The following PLCL1 variants were observed in gnomAD, a reference collection of about 807,000 sequenced individuals.
PLCL1 encodes phospholipase C like 1 (inactive), also known as inactive phospholipase C-like protein 1.
PLCL1 carries 41 observed loss-of-function variants against 84.4 expected under a neutral mutation model. That is an observed-to-expected ratio of 0.49 (90% CI 0.38 to 0.63). PLCL1 has a LOEUF of 0.63. Among genes scored for constraint, PLCL1 ranks in the 30% least tolerant of loss-of-function variants. PLCL1 has a pLI of 0.00. For missense variants in PLCL1, 1,206 were observed against 1,367.8 expected, an observed-to-expected ratio of 0.88 and a Z score of 1.87; for synonymous variants, 490 against 488.3, an observed-to-expected ratio of 1.00 and a Z score of -0.05.
At chr2:197,926,602 A>G (rs1288491337) in intron 1 of PLCL1, among the ~76,000 whole-genome samples, 1 of 152,162 alleles carries the variant, frequency 6.6e-6, no homozygotes, top group Non-Finnish European at 1.5e-5. Flanking sequence ...AAAACCCACT[A>G]TCACATGGCA....
At chr2:197,985,420 A>C (rs1055087157) in intron 1 of PLCL1, among the ~76,000 whole-genome samples, 2 of 152,156 alleles carry the variant, frequency 1.3e-5, no homozygotes, top group African/African-American at 2.4e-5. Flanking sequence ...ATTCTTACCC[A>C]GTTTAGTATC....
At chr2:197,879,731 CA>C (rs1687795839) in intron 1 of PLCL1, among the ~76,000 whole-genome samples, 1 of 152,114 alleles carries the variant, frequency 6.6e-6, no homozygotes, top group Admixed American at 6.6e-5. Context: ...TTGTTCCAAA[CA>C]ACCCTTTCTG....
intron 1 of PLCL1, among the ~76,000 whole-genome samples, chr2:197,904,384 G>A (rs189851832): frequency 3.0e-4 from 46 of 152,016 alleles, no homozygotes; most frequent in African/African-American, 9.9e-4. Context: ...CTTTTTGCAG[G>A]GTTTAAAAAG....
chr2:198,048,003 A>G (rs72930422), intron 1 of PLCL1, among the ~76,000 whole-genome samples: 81 of 152,304 alleles, frequency 5.3e-4, no homozygotes, highest in Non-Finnish European at 9.7e-4. Context: ...AAAATTTCAT[A>G]GAGTCAAAAA....
At chr2:198,020,610 A>G (rs554581182) in intron 1 of PLCL1, among the ~76,000 whole-genome samples, 2 of 152,212 alleles carry the variant, frequency 1.3e-5, no homozygotes, top group Non-Finnish European at 2.9e-5. Context: ...AGACTCTGGT[A>G]AAACAGACTT....
chr2:197,856,810 T>C (rs2105688473), intron 1 of PLCL1, among the ~76,000 whole-genome samples: 1 of 152,330 alleles, frequency 6.6e-6, no homozygotes, highest in Non-Finnish European at 1.5e-5. Flanking sequence ...TTTGCAATAT[T>C]TGTGACTTAA....
At chr2:198,043,211 T>C (rs1691706622) in intron 1 of PLCL1, among the ~76,000 whole-genome samples, 1 of 152,124 alleles carries the variant, frequency 6.6e-6, no homozygotes, top group African/African-American at 2.4e-5. Context: ...AAGAATTTCA[T>C]GGAAAGGCCC....
rs1255369459 is a variant in PLCL1 at position 198,137,160 on chromosome 2, AT to A, written c.3106-9619del. Reference sequence around the variant, plus strand: ...TAAATAAAAAAACACAAAAAAACAAATAAACAATATAGAGATTAAGAAAAAC... The same window carrying A: ...TAAATAAAAAAACACAAAAAAACAAAAAACAATATAGAGATTAAGAAAAAC... On this transcript the variant is annotated intron_variant, in intron 5 of 5. Coordinates refer to ENST00000428675, the MANE Select transcript of PLCL1 (RefSeq NM_006226.4). Among the ~76,000 whole-genome samples the A allele has an allele frequency of 2.0e-5, 3 of 152,318 alleles. No homozygotes were observed. In the East Asian group the frequency reaches 5.8e-4, roughly 29 times the overall value.
At position 198,071,029 on chromosome 2, in the gene PLCL1, G is replaced by A. The variant is rs1692450679; in HGVS notation, c.241-12729G>A. ...ATATATTCTTCCAGACTTGTCATAG[G>A]TAAATGGTAAGCTCTCAAGCTCTCA... On this transcript the variant is annotated intron_variant, in intron 1 of 5. Transcript: ENST00000428675. The A allele has an allele frequency of 4.3e-6, 4 of 936,632 alleles. No homozygotes were observed. In the South Asian group the frequency reaches 2.0e-4, roughly 46 times the overall value. The allele number at this position is 936,632 out of a possible 1,614,324, so 58.0% of individuals were successfully genotyped here.
At chr2:197,975,140 T>C (rs1310454599) in intron 1 of PLCL1, among the ~76,000 whole-genome samples, 1 of 94,448 alleles carries the variant, frequency 1.1e-5, no homozygotes, top group Non-Finnish European at 1.8e-5. Context: ...AGAGCGAGAC[T>C]CCATCTCAAA....
intron 5 of PLCL1, among the ~76,000 whole-genome samples, chr2:198,116,783 T>G (rs1023711428): frequency 6.6e-6 from 1 of 151,886 alleles, no homozygotes; most frequent in Non-Finnish European, 1.5e-5. Context: ...AGAGAATCCT[T>G]CCCTATGCAG....
At chr2:198,014,027 C>T (rs1237176840) in intron 1 of PLCL1, among the ~76,000 whole-genome samples, 1 of 151,954 alleles carries the variant, frequency 6.6e-6, no homozygotes, top group Non-Finnish European at 1.5e-5. Context: ...GTCATGACTC[C>T]CAAGCTGAAC....
chr2:197,943,687 G>C (rs1689212908), intron 1 of PLCL1, among the ~76,000 whole-genome samples: 2 of 139,766 alleles, frequency 1.4e-5, no homozygotes, highest in African/African-American at 2.7e-5. Flanking sequence ...CCAGTGTTGA[G>C]TGATCTGCAC....
Position 198,103,927 on chromosome 2 carries a change from A to G in PLCL1, c.3096A>G (p.Thr1032=), listed in dbSNP as rs1306187895. The G allele has an allele frequency of 1.3e-6, 2 of 1,580,574 alleles. No homozygotes were observed. The highest frequency in any genetic ancestry group is 1.4e-5 in the African/African-American group (1 of 73,896). The stretch of plus-strand genomic sequence containing the variant: ...CTGAGAGCTTTGCTTGGAACATTAC[A>G]GTATTGAAGGTAGATGAAACACTCA... The part of the protein sequence containing the change: ...KATESFAWNI[T]VLKGQGDLLK... The change falls in exon 5 of 6, where the codon ACA becomes ACG. Residue 1032 remains threonine (T), a synonymous_variant. Coordinates refer to ENST00000428675, the MANE Select transcript of PLCL1 (RefSeq NM_006226.4).
chr2:198,134,954 A>G (rs1012954962), intron 5 of PLCL1, among the ~76,000 whole-genome samples: 1 of 152,218 alleles, frequency 6.6e-6, no homozygotes, highest in Non-Finnish European at 1.5e-5. Context: ...CAAGTAACCA[A>G]TAATTTGAGC....
chr2:198,095,393 T>C (rs533512068), intron 3 of PLCL1, among the ~76,000 whole-genome samples: 1 of 152,360 alleles, frequency 6.6e-6, no homozygotes, highest in South Asian at 2.1e-4. Context: ...AAAAGTAATA[T>C]GACTTTTTTT....
At chr2:198,025,903 G>A (rs908143665) in intron 1 of PLCL1, among the ~76,000 whole-genome samples, 5 of 152,096 alleles carry the variant, frequency 3.3e-5, no homozygotes, top group African/African-American at 1.2e-4. Flanking sequence ...AAACTATTTA[G>A]GTGACTTGCT....
At chr2:197,911,975 A>G (rs991905041) in intron 1 of PLCL1, among the ~76,000 whole-genome samples, 2 of 152,120 alleles carry the variant, frequency 1.3e-5, no homozygotes, top group East Asian at 3.9e-4. Context: ...ATACATCTTA[A>G]TGCTTCCAGG....
intron 5 of PLCL1, among the ~76,000 whole-genome samples, chr2:198,124,574 G>A (rs766204412): frequency 1.2e-4 from 18 of 152,030 alleles, no homozygotes; most frequent in Non-Finnish European, 1.8e-4. Context: ...CTAGGCTGAG[G>A]GGAGTAGGAA....
Sources: allele counts gnomAD v4.1 joint callset (sites outside exome capture counted in the v4.1 genomes callset), GRCh38; gene constraint gnomAD v4.1.1; transcripts MANE v1.5; gene names NCBI Gene and HGNC (gene_info 2026-07-23, HGNC 2026-07-21).